The following SORCS1 variants were observed in gnomAD, a reference collection of about 807,000 sequenced individuals.
SORCS1 encodes sortilin related VPS10 domain containing receptor 1, also known as VPS10 domain-containing receptor SorCS1.
Under a neutral mutation model 146.1 loss-of-function variants are expected in SORCS1, and 60 were observed. That is an observed-to-expected ratio of 0.41 (90% CI 0.33 to 0.51). The LOEUF (loss-of-function observed/expected upper bound fraction) is 0.51. SORCS1 is among the 20% of genes least tolerant of loss of function. SORCS1 has a pLI of 0.21. For missense variants in SORCS1, 1,352 were observed against 1,487.6 expected (o/e 0.91, Z 1.50); for synonymous variants, 637 against 584.0 (o/e 1.09, Z -1.31).
intron 3 of SORCS1, among the ~76,000 whole-genome samples, chr10:106,810,103 C>A (rs983584676): frequency 6.6e-6 from 1 of 152,136 alleles, no homozygotes; most frequent in Non-Finnish European, 1.5e-5. Context: ...CGCCTGTAGT[C>A]CCAACTACCT....
chr10:106,960,466 G>A lies in SORCS1; in HGVS notation c.559-3886C>T, dbSNP rs749216128. Among the ~76,000 whole-genome samples, 10 of 151,320 alleles carry A rather than the reference G, an allele frequency of 6.6e-5. No homozygotes were observed. In the South Asian group the frequency reaches 1.0e-3, roughly 16 times the overall value. Reference sequence around the variant, plus strand: ...TGTCGCCAGGCTGGAGTGCAGTGGCGTGATCTCGGCTCACTGCAACCTCCG... The same window carrying A: ...TGTCGCCAGGCTGGAGTGCAGTGGCATGATCTCGGCTCACTGCAACCTCCG... On this transcript the variant is annotated intron_variant, in intron 1 of 25. Transcript: ENST00000263054. This position sits in a 1 kb window ranked among gnomAD's most constrained non-coding sequence, Gnocchi z 4.4.
intron 17 of SORCS1, among the ~76,000 whole-genome samples, chr10:106,653,826 C>G (rs1415890226): frequency 6.6e-6 from 1 of 152,180 alleles, no homozygotes. Flanking sequence ...TGCAAGTGCT[C>G]ATAAAATATT....
intron 5 of SORCS1, among the ~76,000 whole-genome samples, chr10:106,744,856 G>T (rs1857605429): frequency 6.6e-6 from 1 of 152,076 alleles, no homozygotes; most frequent in Non-Finnish European, 1.5e-5. Context: ...TGTGTGAGTT[G>T]CCCAACTGAA....
intron 16 of SORCS1, among the ~76,000 whole-genome samples, chr10:106,668,003 A>G (rs1437322387): frequency 6.6e-6 from 1 of 152,204 alleles, no homozygotes; most frequent in African/African-American, 2.4e-5. Context: ...TCTATCAATT[A>G]ATTATTCAGG....
Position 107,016,860 on chromosome 10 carries a change from G to A in SORCS1, c.559-60280C>T, listed in dbSNP as rs538589435. Among the ~76,000 whole-genome samples the A allele has an allele frequency of 1.1e-4, 17 of 152,128 alleles. No individual in the cohort carries two copies. In the South Asian group the frequency reaches 2.7e-3, roughly 24 times the overall value. On this transcript the variant is annotated intron_variant, in intron 1 of 25. Coordinates refer to ENST00000263054, the MANE Select transcript of SORCS1 (RefSeq NM_052918.5). ...TAGCCTAACAGAGAAAAAAGAGGGC[G>A]AACACAAGAAATTCACAGGAGAGCT... is the stretch of plus-strand genomic sequence containing the variant.
At chr10:107,038,245 G>C (rs574077660) in intron 1 of SORCS1, among the ~76,000 whole-genome samples, 10 of 152,256 alleles carry the variant, frequency 6.6e-5, no homozygotes, top group African/African-American at 2.4e-4. Context: ...TCCCTAGATG[G>C]GGAAAACGAA....
intron 1 of SORCS1, among the ~76,000 whole-genome samples, chr10:107,007,423 C>A (rs983374634): frequency 6.6e-6 from 1 of 152,164 alleles, no homozygotes; most frequent in African/African-American, 2.4e-5. Flanking sequence ...TTTGGAGAGA[C>A]CCTAATGGAG....
At chr10:107,018,532 T>C (rs1346717965) in intron 1 of SORCS1, among the ~76,000 whole-genome samples, 1 of 152,120 alleles carries the variant, frequency 6.6e-6, no homozygotes, top group Non-Finnish European at 1.5e-5. Flanking sequence ...TACAAAGGGT[T>C]CCCTGTTTCT....
chr10:107,122,117 C>G (rs1435792151), intron 1 of SORCS1, among the ~76,000 whole-genome samples: 1 of 152,116 alleles, frequency 6.6e-6, no homozygotes, highest in East Asian at 1.9e-4. Flanking sequence ...TTGGCTTTGT[C>G]TATTCCAGAG....
At chr10:107,019,816 T>C (rs113856291) in intron 1 of SORCS1, among the ~76,000 whole-genome samples, 1 of 152,246 alleles carries the variant, frequency 6.6e-6, no homozygotes, top group Non-Finnish European at 1.5e-5. Flanking sequence ...CTCTGTCCTT[T>C]TGAAACTTAC....
intron 18 of SORCS1, among the ~76,000 whole-genome samples, chr10:106,643,100 C>G (rs757952021): frequency 6.6e-6 from 1 of 152,112 alleles, no homozygotes; most frequent in Non-Finnish European, 1.5e-5. Context: ...AGACAAGATA[C>G]CATAGATCCT....
At chr10:106,641,542 C>T (rs1849069571) in intron 18 of SORCS1, among the ~76,000 whole-genome samples, 1 of 152,172 alleles carries the variant, frequency 6.6e-6, no homozygotes, top group African/African-American at 2.4e-5. Flanking sequence ...CAGATGAAGA[C>T]TTTACCATGT....
intron 1 of SORCS1, among the ~76,000 whole-genome samples, chr10:106,984,795 AT>A (rs1297791172): frequency 1.3e-5 from 2 of 151,264 alleles, no homozygotes; most frequent in Non-Finnish European, 2.9e-5. Context: ...TTTTATACTT[AT>A]TTCACAGCTG....
At chr10:106,685,260 C>A (rs1188174640) in intron 10 of SORCS1, among the ~76,000 whole-genome samples, 1 of 152,160 alleles carries the variant, frequency 6.6e-6, no homozygotes, top group African/African-American at 2.4e-5. Flanking sequence ...CCCAACGTGG[C>A]ACCCCTAATG....
chr10:106,945,050 T>C (rs1394549637), intron 2 of SORCS1, among the ~76,000 whole-genome samples: 1 of 151,396 alleles, frequency 6.6e-6, no homozygotes, highest in African/African-American at 2.4e-5. Flanking sequence ...CACACCCAGC[T>C]AATTTTTTTG....
chr10:106,905,098 C>T (rs919939983), intron 2 of SORCS1, among the ~76,000 whole-genome samples: 2 of 151,636 alleles, frequency 1.3e-5, no homozygotes, highest in Non-Finnish European at 2.9e-5. Flanking sequence ...AGAAAAATAA[C>T]CACAATTCTA....
At chr10:106,734,980 T>C (rs534421836) in intron 5 of SORCS1, among the ~76,000 whole-genome samples, 2 of 152,072 alleles carry the variant, frequency 1.3e-5, no homozygotes, top group Non-Finnish European at 2.9e-5. Context: ...ACCCCGTCTC[T>C]ACTAAAAGTA....
chr10:106,639,512 T>G (rs915469161), intron 18 of SORCS1, among the ~76,000 whole-genome samples: 3 of 151,974 alleles, frequency 2.0e-5, no homozygotes, highest in African/African-American at 7.3e-5. Flanking sequence ...TTAGAAAGAG[T>G]TGCTAACCAA....
In SORCS1 at chr10:106,884,888, A is replaced by G. The variant is rs1364235380; in HGVS notation, c.627-55215T>C. Among the ~76,000 whole-genome samples, 8 of 152,222 alleles carry G rather than the reference A, an allele frequency of 5.3e-5. No individual in the cohort carries two copies. The South Asian group carries it at 1.7e-3, about 31-fold the overall frequency. On this transcript the variant is annotated intron_variant, in intron 2 of 25. Coordinates refer to ENST00000263054, the MANE Select transcript of SORCS1 (RefSeq NM_052918.5). ...CTGGATTTTGAGTAAAATCAATTCA[A>G]TGGTATAAGTATGTGAACATCTATT...
Sources: gnomAD v4.1 joint callset for allele counts (sites outside exome capture counted in the v4.1 genomes callset) on GRCh38, gnomAD v4.1.1 for gene constraint, Gnocchi (gnomAD v3.1) non-coding constraint, MANE v1.5 for transcripts, NCBI Gene and HGNC (gene_info 2026-07-23, HGNC 2026-07-21) for gene names.